Variants in PARK7 observed in about 807,000 individuals in gnomAD.
PARK7 encodes the protein Parkinson disease protein 7.
A neutral mutation model predicts 20.5 loss-of-function variants in PARK7; 14 were observed. The ratio of observed to expected loss-of-function variants is 0.68; its 90% CI spans 0.45 to 1.07. The LOEUF (loss-of-function observed/expected upper bound fraction) is 1.07. Ranked by LOEUF, PARK7 falls within the 50% of genes least tolerant of loss-of-function variation. The probability of loss-of-function intolerance (pLI) is 0.00; values close to 1 mark genes in which losing one functional copy is unlikely to be tolerated. For missense variants in PARK7, 234 were observed against 238.1 expected (o/e 0.98, Z 0.11); for synonymous variants, 98 against 84.3 (o/e 1.16, Z -0.89).
chr1:7,962,775 A>G lies in PARK7; in HGVS notation c.-11A>G, dbSNP rs200286981. ...TTTTTTTTTTAAGGCTTGTAAACAT[A>G]TAACATAAAAATGGCTTCCAAAAGA... On this transcript the variant is annotated 5_prime_UTR_variant, in exon 2 of 7. In the 5' UTR this introduces an upstream ATG that the reference lacks. Coordinates refer to ENST00000338639, the MANE Select transcript of PARK7 (RefSeq NM_007262.5). 10 of 1,577,550 alleles carry G rather than the reference A, an allele frequency of 6.3e-6. No homozygotes were observed. Among genetic ancestry groups the G allele is most frequent in the African/African-American group, 2.8e-5 (2 of 72,588 alleles).
rs901123560 is a variant in PARK7, at chr1:7,975,495, C to T, written c.323-2157C>T. On this transcript the variant is annotated intron_variant, in intron 5 of 6. Transcript: ENST00000338639. ...AGAAGGGGACATGGTCAGCTGCGCC[C>T]TCTGCACTGTAGTGCAGAGTACAGA... Among the ~76,000 whole-genome samples the T allele has an allele frequency of 2.0e-5, 3 of 152,190 alleles. No individual in the cohort carries two copies. In the East Asian group the frequency reaches 5.8e-4, roughly 29 times the overall value.
At chr1:7,978,844 CAAAA>C (rs368607562) in intron 6 of PARK7, among the ~76,000 whole-genome samples, 2 of 107,114 alleles carry the variant, frequency 1.9e-5, no homozygotes, top group Non-Finnish European at 4.0e-5. Flanking sequence ...AAGACCCTAT[CAAAA>C]AAAAAAAAAA....
At chr1:7,982,780 C>T (rs1335068663) in intron 6 of PARK7, 3 of 152,196 alleles carry the variant, frequency 2.0e-5, no homozygotes, top group Non-Finnish European at 4.4e-5. Context: ...AACCTTTTCC[C>T]CTCAAACTAG....
chr1:7,977,840 A>G, intron 6 of PARK7, 102 bp downstream of exon 6: 1 of 963,558 alleles, frequency 1.0e-6, no homozygotes. Context: ...GCTTACTGCA[A>G]TCCCTGCCTC....
At chr1:7,968,233 G>A (rs1372835055) in intron 3 of PARK7, among the ~76,000 whole-genome samples, 6 of 149,106 alleles carry the variant, frequency 4.0e-5, no homozygotes, top group African/African-American at 1.5e-4. Context: ...GCTTGAATCC[G>A]GGAGACGGAA....
chr1:7,974,329 A>C (rs1578099349), intron 5 of PARK7, among the ~76,000 whole-genome samples: 2 of 149,558 alleles, frequency 1.3e-5, no homozygotes, highest in Middle Eastern at 3.5e-3. Flanking sequence ...TGGTCTCTTA[A>C]AAAAAAAAAG....
chr1:7,977,841 T>C (rs1578101919), intron 6 of PARK7, 103 bp downstream of exon 6: 2 of 941,530 alleles, frequency 2.1e-6, no homozygotes, highest in East Asian at 5.1e-5. Context: ...CTTACTGCAA[T>C]CCCTGCCTCC....
intron 6 of PARK7, 52 bp downstream of exon 6, chr1:7,977,790 C>A: frequency 1.4e-6 from 2 of 1,473,290 alleles, no homozygotes; most frequent in East Asian, 2.3e-5. Flanking sequence ...GATGGAGTCT[C>A]GCTCCATCGC....
At chr1:7,962,738 ATCT>A (rs1414170055) in intron 1 of PARK7, 22 bp from the exon 2 acceptor site, 12 of 1,333,518 alleles carry the variant, frequency 9.0e-6, no homozygotes, top group African/African-American at 1.5e-5. Context: ...GTTTTTTGAA[ATCT>A]TTTTTTTTTT....
intron 5 of PARK7, among the ~76,000 whole-genome samples, chr1:7,974,000 A>G (rs1640519718): frequency 6.6e-6 from 1 of 151,868 alleles, no homozygotes; most frequent in African/African-American, 2.4e-5. Context: ...GCCTTATAGT[A>G]CTTTAAATCA....
chr1:7,975,960 C>G (rs530883099), intron 5 of PARK7, among the ~76,000 whole-genome samples: 3 of 152,160 alleles, frequency 2.0e-5, no homozygotes. Context: ...GGAGAAGAGA[C>G]ATTTGAGGCT....
intron 4 of PARK7, among the ~76,000 whole-genome samples, chr1:7,969,836 C>T (rs1219059107): frequency 2.0e-5 from 3 of 152,136 alleles, no homozygotes; most frequent in Non-Finnish European, 4.4e-5. Context: ...CCTCGGCCTC[C>T]CAAAGTGCTG....
chr1:7,970,924 C>T lies in PARK7; in HGVS notation c.283C>T (p.Gln95Ter). Residue 95 changes from glutamine (Q) to a stop codon, truncating the protein, a stop_gained, in exon 5 of 7, where the codon CAG becomes TAG. Transcript: ENST00000338639. LOFTEE classifies it high-confidence loss of function. Reference protein sequence around the residue: ...SAAVKEILKEQENRKGLIAAI... With the variant: ...SAAVKEILKE ...TGCTGTGAAGGAGATACTGAAGGAG[C>T]AGGAAAACCGGAAGGGCCTGATAGC... 6.2e-7 allele frequency: 1 copy of T among 1,614,126 alleles called. No individual in the cohort carries two copies. Among genetic ancestry groups the T allele is most frequent in the Non-Finnish European group, 8.5e-7 (1 of 1,180,024 alleles).
chr1:7,968,386 T>C (rs891310202), intron 3 of PARK7, among the ~76,000 whole-genome samples: 3 of 151,998 alleles, frequency 2.0e-5, no homozygotes, highest in African/African-American at 7.2e-5. Flanking sequence ...GTTTTGTAAT[T>C]TCAGGAAGTT....
chr1:7,978,423 C>T (rs1341767855), intron 6 of PARK7, among the ~76,000 whole-genome samples: 3 of 148,290 alleles, frequency 2.0e-5, no homozygotes, highest in African/African-American at 2.5e-5. Context: ...TGGAGTCTCT[C>T]GCTCTGTTGC....
chr1:7,985,022 C>A lies in PARK7; in HGVS notation c.538C>A (p.Gln180Lys). 1 of 1,614,132 alleles carries A rather than the reference C, an allele frequency of 6.2e-7. No homozygotes were observed. The highest frequency in any genetic ancestry group is 1.3e-5 in the African/African-American group (1 of 75,034). The change falls in exon 7 of 7, where the codon CAA becomes AAA. Residue 180 changes from glutamine to lysine, a missense_variant. Gln to Lys is a moderately conservative substitution (Grantham distance 53). Coordinates refer to ENST00000338639, the MANE Select transcript of PARK7 (RefSeq NM_007262.5). The part of the protein sequence containing the change: ...EALNGKEVAA[Q>K]VKAPLVLKD ...CCTGAATGGCAAGGAGGTGGCGGCT[C>A]AAGTGAAGGCTCCACTTGTTCTTAA...
intron 3 of PARK7, among the ~76,000 whole-genome samples, chr1:7,967,989 A>AT (rs1025979412): frequency 4.6e-5 from 7 of 151,944 alleles, no homozygotes; most frequent in South Asian, 4.2e-4. Context: ...TAATGACTAG[A>AT]TTTTTTTTAA....
Position 7,980,608 on chromosome 1 carries a change from G to A in PARK7, c.409+2870G>A, listed in dbSNP as rs371419108. 5.3e-5 allele frequency among the ~76,000 whole-genome samples: 8 copies of A among 152,236 alleles called. No individual in the cohort carries two copies. In the East Asian group the frequency reaches 1.5e-3, roughly 29 times the overall value. ...GCCTTGCATCCAGTTTTGGCTTCCTGCCCCTCCCCTGCTCTGTGGTAGCAA... is the reference window on the plus strand; with the variant it reads ...GCCTTGCATCCAGTTTTGGCTTCCTACCCCTCCCCTGCTCTGTGGTAGCAA... On this transcript the variant is annotated intron_variant, in intron 6 of 6. Coordinates refer to ENST00000338639, the MANE Select transcript of PARK7 (RefSeq NM_007262.5).
chr1:7,979,850 G>A (rs188366117), intron 6 of PARK7, among the ~76,000 whole-genome samples: 10 of 152,184 alleles, frequency 6.6e-5, no homozygotes, highest in Non-Finnish European at 1.3e-4. Flanking sequence ...TCATTAAAAC[G>A]ATCTGTTTGA....
Sources: allele counts gnomAD v4.1 joint callset (sites outside exome capture counted in the v4.1 genomes callset), GRCh38; gene constraint gnomAD v4.1.1; transcripts MANE v1.5; gene names NCBI Gene and HGNC (gene_info 2026-07-23, HGNC 2026-07-21).